Variants in PRKCZ observed in about 807,000 individuals in gnomAD.
The protein encoded by PRKCZ is protein kinase C zeta type.
PRKCZ carries 33 observed loss-of-function variants against 79.5 expected under a neutral mutation model. The ratio of observed to expected loss-of-function variants is 0.41; its 90% CI spans 0.31 to 0.55. PRKCZ has a LOEUF of 0.55. PRKCZ is among the 20% of genes least tolerant of loss of function. The probability of loss-of-function intolerance (pLI) is 0.19; values close to 1 mark genes in which losing one functional copy is unlikely to be tolerated. For synonymous variants in PRKCZ, 342 were observed against 320.9 expected (o/e 1.07, Z -0.70); for missense variants, 578 against 813.5 (o/e 0.71, Z 3.52).
At chr1:2,063,278 CG>C (rs1186480556) in intron 4 of PRKCZ, among the ~76,000 whole-genome samples, 1 of 152,076 alleles carries the variant, frequency 6.6e-6, no homozygotes, top group Non-Finnish European at 1.5e-5. Context: ...GGTGTAGACC[CG>C]GAAGTGAGAT....
At chr1:2,070,573 G>A (rs1278308161) in intron 4 of PRKCZ, among the ~76,000 whole-genome samples, 1 of 152,202 alleles carries the variant, frequency 6.6e-6, no homozygotes, top group Non-Finnish European at 1.5e-5. Flanking sequence ...CTGGATGCAA[G>A]GGTGGCAAAG....
intron 4 of PRKCZ, among the ~76,000 whole-genome samples, chr1:2,069,483 C>T (rs1488189397): frequency 6.6e-6 from 1 of 152,220 alleles, no homozygotes; most frequent in Admixed American, 6.5e-5. Flanking sequence ...TTTTCTTTAC[C>T]TGTAAAACGG....
intron 10 of PRKCZ, among the ~76,000 whole-genome samples, chr1:2,162,230 C>T (rs1339479992): frequency 1.3e-5 from 2 of 152,194 alleles, no homozygotes; most frequent in East Asian, 1.9e-4. Flanking sequence ...CCCCTGGGTT[C>T]GAGGAATTCT....
chr1:2,113,669 AAGT>A (rs1456504764), intron 4 of PRKCZ, among the ~76,000 whole-genome samples: 1 of 152,100 alleles, frequency 6.6e-6, no homozygotes, highest in African/African-American at 2.4e-5. Context: ...ATGATGCACG[AAGT>A]AGTGGTATCT....
intron 4 of PRKCZ, among the ~76,000 whole-genome samples, chr1:2,115,864 C>G (rs545473237): frequency 2.0e-5 from 3 of 152,328 alleles, no homozygotes; most frequent in Admixed American, 2.0e-4. Flanking sequence ...AACTCGGACA[C>G]TCTCCAGACC....
intron 4 of PRKCZ, chr1:2,104,992 G>A: frequency 2.2e-6 from 2 of 912,448 alleles, no homozygotes; most frequent in South Asian, 1.0e-4. Flanking sequence ...ACCCTGGCTT[G>A]TTGACCTTGA....
chr1:2,166,773 C>G (rs1340849954), intron 10 of PRKCZ, among the ~76,000 whole-genome samples: 3 of 152,212 alleles, frequency 2.0e-5, no homozygotes, highest in Non-Finnish European at 2.9e-5. Context: ...TCCCAGCATC[C>G]CTTGGGGTCA....
intron 4 of PRKCZ, among the ~76,000 whole-genome samples, chr1:2,089,417 G>A (rs551019036): frequency 1.5e-4 from 23 of 152,334 alleles, no homozygotes; most frequent in African/African-American, 5.5e-4. Flanking sequence ...TTCAGCCTCT[G>A]TGAGGAGGCA....
chr1:2,101,918 G>A (rs1393101582), intron 4 of PRKCZ, among the ~76,000 whole-genome samples: 1 of 152,200 alleles, frequency 6.6e-6, no homozygotes, highest in Admixed American at 6.5e-5. Context: ...CAGATATGTA[G>A]CAGATATGTG....
intron 4 of PRKCZ, among the ~76,000 whole-genome samples, chr1:2,064,119 T>G (rs945719476): frequency 2.0e-5 from 3 of 152,226 alleles, no homozygotes; most frequent in Non-Finnish European, 4.4e-5. Context: ...AATGCTGGGA[T>G]TATAGGCGTG....
intron 16 of PRKCZ, among the ~76,000 whole-genome samples, chr1:2,179,125 C>T (rs1686047144): frequency 1.3e-5 from 2 of 152,252 alleles, no homozygotes; most frequent in Admixed American, 1.3e-4. Flanking sequence ...ATCCACCTGC[C>T]TTGCCCCTGC....
chr1:2,136,569 G>A (rs1280601025), intron 5 of PRKCZ, among the ~76,000 whole-genome samples: 7 of 152,146 alleles, frequency 4.6e-5, no homozygotes, highest in South Asian at 2.1e-4. Context: ...CCCTGAGGAC[G>A]AGGTTGGGGA....
rs990411966 is a variant in PRKCZ, at chr1:2,136,513, C to A, written c.420+1166C>A. 2.6e-5 allele frequency among the ~76,000 whole-genome samples: 4 copies of A among 152,216 alleles called. No individual in the cohort carries two copies. The South Asian group carries it at 6.2e-4, about 24-fold the overall frequency. On this transcript the variant is annotated intron_variant, in intron 5 of 17. Coordinates refer to ENST00000378567, the MANE Select transcript of PRKCZ (RefSeq NM_002744.6). ...CAGTGCAGAGGAGATGCCAGGAGCA[C>A]CGAGGATGTGGCAGGCACGGGAGAG...
At chr1:2,118,752 T>TGTGA (rs1553153111) in intron 4 of PRKCZ, among the ~76,000 whole-genome samples, 9 of 142,350 alleles carry the variant, frequency 6.3e-5, no homozygotes, top group Non-Finnish European at 1.2e-4. Context: ...TGTGTGTGTG[T>TGTGA]GTGAGATGAG....
In PRKCZ at chr1:2,147,732, C is replaced by G. The variant is rs533771435; in HGVS notation, c.635-1140C>G. 4.4e-5 allele frequency among the ~76,000 whole-genome samples: 6 copies of G among 137,510 alleles called. No individual in the cohort carries two copies. In the East Asian group the frequency reaches 1.2e-3, roughly 28 times the overall value. The allele number at this position is 137,510 out of a possible 152,430, so 90.2% of individuals were successfully genotyped here. ...ACCCATCTGTCTGTTGTCCACTGAC[C>G]TCTCCATCTATCCATCCACTGTCCA... is the stretch of plus-strand genomic sequence containing the variant. On this transcript the variant is annotated intron_variant, in intron 7 of 17. Coordinates refer to ENST00000378567, the MANE Select transcript of PRKCZ (RefSeq NM_002744.6).
intron 1 of PRKCZ, among the ~76,000 whole-genome samples, chr1:2,053,004 G>C (rs532014517): frequency 2.0e-5 from 3 of 152,232 alleles, no homozygotes; most frequent in Admixed American, 2.0e-4. Flanking sequence ...AGGCACCTGT[G>C]TTTTCAGGGA....
At position 2,128,946 on chromosome 1, in the gene PRKCZ, C is replaced by G. The variant is rs944499739; in HGVS notation, c.335-6316C>G. On this transcript the variant is annotated intron_variant, in intron 4 of 17. Transcript: ENST00000378567. This position sits in a 1 kb window ranked among gnomAD's most constrained non-coding sequence, Gnocchi z 6.5. ...CCAGAGCACACTCCCCAGAAGGGCT[C>G]CCTTCTCCTTTTCACAGCGCTGTCT... Among the ~76,000 whole-genome samples, 5 of 152,134 alleles carry G rather than the reference C, an allele frequency of 3.3e-5. No homozygotes were observed. The highest frequency in any genetic ancestry group is 1.2e-4 in the African/African-American group (5 of 41,430).
chr1:2,056,179 G>A (rs964754656), intron 2 of PRKCZ, among the ~76,000 whole-genome samples: 12 of 152,280 alleles, frequency 7.9e-5, no homozygotes, highest in East Asian at 5.8e-4. Flanking sequence ...CTCTCCCTCC[G>A]CCCAGGACTG....
chr1:2,099,812 G>A (rs1667150880), intron 4 of PRKCZ, among the ~76,000 whole-genome samples: 1 of 152,224 alleles, frequency 6.6e-6, no homozygotes, highest in African/African-American at 2.4e-5. Context: ...CAATTAAACA[G>A]GTCATTAGTC....
Sources: allele counts gnomAD v4.1 joint callset (sites outside exome capture counted in the v4.1 genomes callset), GRCh38; gene constraint gnomAD v4.1.1; non-coding constraint Gnocchi (gnomAD v3.1); transcripts MANE v1.5; gene names NCBI Gene and HGNC (gene_info 2026-07-23, HGNC 2026-07-21).